Variants in PLEKHM3 observed in about 807,000 individuals in gnomAD.
PLEKHM3 encodes the protein pleckstrin homology domain containing M3.
Under a neutral mutation model 81.8 loss-of-function variants are expected in PLEKHM3, and 45 were observed. The observed-to-expected ratio is 0.55, with a 90% confidence interval of 0.43 to 0.71. PLEKHM3 has a LOEUF of 0.71. PLEKHM3 is among the 30% of genes least tolerant of loss of function. The probability of loss-of-function intolerance (pLI) is 0.00; values close to 1 mark genes in which losing one functional copy is unlikely to be tolerated. For missense variants in PLEKHM3, 788 were observed against 924.3 expected, an observed-to-expected ratio of 0.85 and a Z score of 1.91; for synonymous variants, 352 against 356.4, an observed-to-expected ratio of 0.99 and a Z score of 0.14.
chr2:207,838,749 AT>A (rs1431739784), intron 7 of PLEKHM3, among the ~76,000 whole-genome samples: 1 of 152,196 alleles, frequency 6.6e-6, no homozygotes, highest in Non-Finnish European at 1.5e-5. Context: ...CCACCTTGGT[AT>A]TTAGGAAAAA....
chr2:207,962,924 TAA>T (rs11388264), intron 3 of PLEKHM3, among the ~76,000 whole-genome samples: 10 of 135,750 alleles, frequency 7.4e-5, no homozygotes, highest in Non-Finnish European at 7.8e-5. Context: ...AGTCAAAAAT[TAA>T]AAAAAAAAAA....
At chr2:207,995,446 T>G (rs1692089313) in intron 2 of PLEKHM3, among the ~76,000 whole-genome samples, 1 of 152,162 alleles carries the variant, frequency 6.6e-6, no homozygotes, top group South Asian at 2.1e-4. Context: ...AGTGGAGGGC[T>G]GAGGAGACTG....
At position 208,013,113 on chromosome 2, in the gene PLEKHM3, CAG is replaced by C. The variant is rs1254624652; in HGVS notation, c.-318-11158_-318-11157del. On this transcript the variant is annotated intron_variant, in intron 1 of 7. Coordinates refer to ENST00000427836, the MANE Select transcript of PLEKHM3 (RefSeq NM_001080475.3). ...AGGGACAATAAAGAATTTTAAGTAACAGAACACAATTAAATGACAATGATAGG... is the reference window on the plus strand; with the variant it reads ...AGGGACAATAAAGAATTTTAAGTAACAACACAATTAAATGACAATGATAGG... Among the ~76,000 whole-genome samples the C allele has an allele frequency of 2.0e-5, 3 of 152,160 alleles. No homozygotes were observed. The East Asian group carries it at 5.8e-4, about 29-fold the overall frequency.
At chr2:207,913,386 G>A (rs1688874107) in intron 5 of PLEKHM3, among the ~76,000 whole-genome samples, 1 of 152,130 alleles carries the variant, frequency 6.6e-6, no homozygotes, top group Non-Finnish European at 1.5e-5. Context: ...AACAGAAAGA[G>A]GACTGGGAAG....
rs571072142 is a variant in PLEKHM3 at position 207,976,821 on chromosome 2, C to G, written c.1376G>C (p.Arg459Thr). Residue 459 changes from arginine to threonine, a missense_variant, in exon 3 of 8, where the codon AGG becomes ACG. Coordinates refer to ENST00000427836, the MANE Select transcript of PLEKHM3 (RefSeq NM_001080475.3). This position sits in a 1 kb window ranked among gnomAD's most constrained non-coding sequence, Gnocchi z 4.1. ...EALKIAANVARSSEQNLQVTL... is the reference protein window; with the variant it reads ...EALKIAANVATSSEQNLQVTL... ...GACTTGCAGGTTTTGCTCTGAACTCCTCGCCACATTGGCAGCTATCTTCAG... is the reference window on the plus strand; with the variant it reads ...GACTTGCAGGTTTTGCTCTGAACTCGTCGCCACATTGGCAGCTATCTTCAG... 3.7e-6 allele frequency: 6 copies of G among 1,614,246 alleles called. No homozygotes were observed. In the African/African-American group the frequency reaches 6.7e-5, roughly 18 times the overall value.
chr2:207,880,762 C>CAAAAAA lies in PLEKHM3; in HGVS notation c.1951-19506_1951-19501dup, dbSNP rs61384566. ...TGGGAGACACAGCGAGACTCTGTCT[C>CAAAAAA]AAAAAAAAAAAAAAAAAAAAAAAAA... On this transcript the variant is annotated intron_variant, in intron 6 of 7. Transcript: ENST00000427836. Among the ~76,000 whole-genome samples the CAAAAAA allele has an allele frequency of 1.7e-3, 12 of 6,966 alleles. 1 individual carries two copies. Among genetic ancestry groups the CAAAAAA allele is most frequent in the African/African-American group, 3.2e-3 (12 of 3,714 alleles). The allele number at this position is 6,966 out of a possible 152,430, so 4.6% of individuals were successfully genotyped here.
At chr2:207,936,914 A>T (rs868825702) in intron 4 of PLEKHM3, among the ~76,000 whole-genome samples, 7 of 151,788 alleles carry the variant, frequency 4.6e-5, no homozygotes, top group South Asian at 2.1e-4. Context: ...GAAATATTTT[A>T]AAAAATGCAA....
At chr2:207,905,326 C>T (rs987451112) in intron 6 of PLEKHM3, among the ~76,000 whole-genome samples, 4 of 152,124 alleles carry the variant, frequency 2.6e-5, no homozygotes, top group Non-Finnish European at 4.4e-5. Flanking sequence ...TACTCTAAAA[C>T]GCCTGAAACT....
At chr2:208,003,845 C>T (rs1022223545) in intron 1 of PLEKHM3, among the ~76,000 whole-genome samples, 7 of 152,044 alleles carry the variant, frequency 4.6e-5, no homozygotes, top group Non-Finnish European at 7.4e-5. Flanking sequence ...AATCTTAAAA[C>T]GTTTTGTTCT....
intron 1 of PLEKHM3, chr2:208,019,699 T>C (rs746983221): frequency 2.0e-5 from 3 of 152,250 alleles, no homozygotes; most frequent in Admixed American, 6.5e-5. Context: ...TGCTAATCTC[T>C]GTGTTGTTCC....
chr2:207,952,911 T>G (rs1282244566), intron 3 of PLEKHM3, among the ~76,000 whole-genome samples: 2 of 152,196 alleles, frequency 1.3e-5, no homozygotes, highest in Non-Finnish European at 2.9e-5. Flanking sequence ...TCCAATACTT[T>G]TTGCATCCCA....
At position 207,887,890 on chromosome 2, in the gene PLEKHM3, A is replaced by G. The variant is rs575826861; in HGVS notation, c.1950+20624T>C. Among the ~76,000 whole-genome samples the G allele has an allele frequency of 2.0e-5, 3 of 152,336 alleles. No homozygotes were observed. In the East Asian group the frequency reaches 5.8e-4, roughly 29 times the overall value. On this transcript the variant is annotated intron_variant, in intron 6 of 7. Transcript: ENST00000427836. Reference sequence around the variant, plus strand: ...TAGTGGACAAGTACGTATTTGGCTAATTGAACTACAAGATAAGGTTATATT... The same window carrying G: ...TAGTGGACAAGTACGTATTTGGCTAGTTGAACTACAAGATAAGGTTATATT...
chr2:207,828,227 C>A lies in PLEKHM3; in HGVS notation c.*92G>T, dbSNP rs1445187167. 7.7e-7 allele frequency: 1 copy of A among 1,296,282 alleles called. No homozygotes were observed. Among genetic ancestry groups the A allele is most frequent in the Non-Finnish European group, 1.1e-6 (1 of 937,186 alleles). The allele number at this position is 1,296,282 out of a possible 1,614,324, so 80.3% of individuals were successfully genotyped here. ...CTAGTTGAAGAGGATACATACTCTTCTTCCAAAGGGGTCTAACTGGCTAGT... is the reference window on the plus strand; with the variant it reads ...CTAGTTGAAGAGGATACATACTCTTATTCCAAAGGGGTCTAACTGGCTAGT... On this transcript the variant is annotated 3_prime_UTR_variant, in exon 8 of 8. Transcript: ENST00000427836.
chr2:207,889,707 A>G (rs1687995847), intron 6 of PLEKHM3, among the ~76,000 whole-genome samples: 1 of 152,114 alleles, frequency 6.6e-6, no homozygotes, highest in Admixed American at 6.6e-5. Flanking sequence ...GGGGGCAGTC[A>G]GCTCTCTCCT....
chr2:207,955,535 T>C (rs1247911587), intron 3 of PLEKHM3, among the ~76,000 whole-genome samples: 1 of 152,212 alleles, frequency 6.6e-6, no homozygotes, highest in South Asian at 2.1e-4. Context: ...AACGAACATA[T>C]GTAAATACAT....
At chr2:207,888,898 TTG>T (rs982124214) in intron 6 of PLEKHM3, among the ~76,000 whole-genome samples, 1 of 152,162 alleles carries the variant, frequency 6.6e-6, no homozygotes, top group Non-Finnish European at 1.5e-5. Context: ...CTGTCTGTTA[TTG>T]TGTTTGCAGT....
At chr2:207,963,107 C>A (rs1690795734) in intron 3 of PLEKHM3, among the ~76,000 whole-genome samples, 1 of 152,104 alleles carries the variant, frequency 6.6e-6, no homozygotes, top group African/African-American at 2.4e-5. Flanking sequence ...TGGAGAGAAT[C>A]TGATAGGTCC....
intron 1 of PLEKHM3, among the ~76,000 whole-genome samples, chr2:208,002,922 CAAAT>C (rs1216701706): frequency 6.7e-6 from 1 of 149,274 alleles, no homozygotes; most frequent in Admixed American, 6.7e-5. Flanking sequence ...AAAAAAAAAA[CAAAT>C]AAAACAACTA....
Position 207,837,418 on chromosome 2 carries a change from C to T in PLEKHM3, c.2109-8922G>A, listed in dbSNP as rs147133616. Among the ~76,000 whole-genome samples the T allele has an allele frequency of 7.9e-5, 12 of 152,010 alleles. 1 individual carries two copies. In the East Asian group the frequency reaches 1.4e-3, roughly 17 times the overall value. On this transcript the variant is annotated intron_variant, in intron 7 of 7. Transcript: ENST00000427836. ...GAGTTTGAGACCAGCCTGGCCAACA[C>T]GGTGAAACCCCGTGTCTACTAAAAA...
Sources: gnomAD v4.1 joint callset for allele counts (sites outside exome capture counted in the v4.1 genomes callset) on GRCh38, gnomAD v4.1.1 for gene constraint, Gnocchi (gnomAD v3.1) non-coding constraint, MANE v1.5 for transcripts, NCBI Gene and HGNC (gene_info 2026-07-23, HGNC 2026-07-21) for gene names.